Variants in NCKAP5 observed in about 807,000 individuals in gnomAD.
The protein encoded by NCKAP5 is nck-associated protein 5.
A neutral mutation model predicts 167.0 loss-of-function variants in NCKAP5; 92 were observed. The observed-to-expected ratio is 0.55, with a 90% CI of 0.47 to 0.66. NCKAP5 has a LOEUF of 0.66. Among genes scored for constraint, NCKAP5 ranks in the 30% least tolerant of loss-of-function variants. The pLI, the probability that NCKAP5 is intolerant of heterozygous loss-of-function variation, is 0.00. For missense variants in NCKAP5, 2,378 were observed against 2,315.0 expected (o/e 1.03, Z -0.56); for synonymous variants, 891 against 877.4 (o/e 1.02, Z -0.27).
chr2:133,317,517 G>A (rs1681697977), intron 3 of NCKAP5, among the ~76,000 whole-genome samples: 1 of 152,092 alleles, frequency 6.6e-6, no homozygotes, highest in South Asian at 2.1e-4. Flanking sequence ...TGCAGGTGTG[G>A]AGGCGTCACC....
chr2:132,715,441 G>A (rs1689279072), intron 19 of NCKAP5, among the ~76,000 whole-genome samples: 1 of 152,094 alleles, frequency 6.6e-6, no homozygotes, highest in Non-Finnish European at 1.5e-5. Flanking sequence ...GGTCTCCAAG[G>A]AAACCCAAAC....
chr2:132,994,347 T>A lies in NCKAP5; in HGVS notation c.342-108A>T, dbSNP rs886649034. ...TATGCGTATTTCCCAAGCTTCAACCTGGAAATCTCTTTTCTCTCTACTTCA... is the reference window on the plus strand; with the variant it reads ...TATGCGTATTTCCCAAGCTTCAACCAGGAAATCTCTTTTCTCTCTACTTCA... On this transcript the variant is annotated intron_variant, in intron 6 of 19. Transcript: ENST00000409261. 5 of 744,244 alleles carry A rather than the reference T, an allele frequency of 6.7e-6. No individual in the cohort carries two copies. In the East Asian group the frequency reaches 1.4e-4, roughly 21 times the overall value. 46.1% of individuals were successfully genotyped at this position (744,244 alleles called of 1,614,324 possible).
chr2:133,663,562 CT>C, the NCKAP5 span, among the ~76,000 whole-genome samples: 1 of 152,188 alleles, frequency 6.6e-6, no homozygotes, highest in Non-Finnish European at 1.5e-5. Flanking sequence ...TATTCTAATC[CT>C]TTGTTGTCAT....
In NCKAP5 at chr2:132,783,877, A is replaced by G. The variant is rs1683297434; in HGVS notation, c.2934T>C (p.Ser978=). Residue 978 remains serine, a synonymous_variant, in exon 14 of 20, where the codon TCT becomes TCC. Transcript: ENST00000409261. The stretch of plus-strand genomic sequence containing the variant: ...CCGGATTAGAAGAAATAACTGGAGC[A>G]GAAATTCCTTTCAGCAGCGGGGATT... ...PFKSPLLKGI[S]APVISSNPAT... 6.5e-7 allele frequency: 1 copy of G among 1,534,714 alleles called. No individual in the cohort carries two copies. Among genetic ancestry groups the G allele is most frequent in the Admixed American group, 2.1e-5 (1 of 46,636 alleles).
intron 3 of NCKAP5, among the ~76,000 whole-genome samples, chr2:133,416,469 A>G (rs1192066456): frequency 2.0e-5 from 3 of 152,202 alleles, no homozygotes; most frequent in South Asian, 4.1e-4. Context: ...TGACAGCCAT[A>G]AAAGAGAAAA....
chr2:132,838,193 G>T (rs546979510), intron 11 of NCKAP5, among the ~76,000 whole-genome samples: 151 of 152,232 alleles, frequency 9.9e-4, no homozygotes, highest in African/African-American at 3.5e-3. Context: ...GGCACCTGGG[G>T]TCTCCCAGTG....
chr2:133,164,362 G>C (rs1004314916), intron 5 of NCKAP5, among the ~76,000 whole-genome samples: 1 of 152,190 alleles, frequency 6.6e-6, no homozygotes, highest in Non-Finnish European at 1.5e-5. Flanking sequence ...TCTGGAGTGA[G>C]AGCTGTGTTT....
At chr2:133,281,761 G>A (rs1477219373) in intron 4 of NCKAP5, among the ~76,000 whole-genome samples, 1 of 152,192 alleles carries the variant, frequency 6.6e-6, no homozygotes, top group Non-Finnish European at 1.5e-5. Flanking sequence ...TCAGTGGCTT[G>A]AAACAAATGC....
chr2:132,830,939 G>T (rs1687480186), intron 11 of NCKAP5, among the ~76,000 whole-genome samples: 2 of 152,064 alleles, frequency 1.3e-5, no homozygotes, highest in South Asian at 4.2e-4. Context: ...GTTGTCTCCT[G>T]CCAGAAGTAA....
chr2:133,510,398 C>T (rs1391851094), intron 3 of NCKAP5, among the ~76,000 whole-genome samples: 5 of 152,190 alleles, frequency 3.3e-5, no homozygotes, highest in Non-Finnish European at 7.3e-5. Context: ...TACACACACA[C>T]ATGCACGTAC....
At chr2:132,933,448 G>A (rs1696597296) in intron 8 of NCKAP5, among the ~76,000 whole-genome samples, 1 of 152,158 alleles carries the variant, frequency 6.6e-6, no homozygotes, top group Non-Finnish European at 1.5e-5. Flanking sequence ...ATATCTATTA[G>A]TTTGCTCTAG....
intron 3 of NCKAP5, among the ~76,000 whole-genome samples, chr2:133,451,940 T>G (rs1442014984): frequency 1.3e-5 from 2 of 152,138 alleles, no homozygotes; most frequent in Non-Finnish European, 2.9e-5. Flanking sequence ...CACACACACA[T>G]ACTGAGTAAT....
At chr2:132,763,461 T>C (rs1239258589) in intron 16 of NCKAP5, among the ~76,000 whole-genome samples, 32 of 152,352 alleles carry the variant, frequency 2.1e-4, no homozygotes, top group Non-Finnish European at 7.3e-5. Flanking sequence ...CTTAGGACAC[T>C]CTGCTGCACA....
Position 133,049,192 on chromosome 2 carries a change from G to A in NCKAP5, c.342-54953C>T, listed in dbSNP as rs1559086754. Among the ~76,000 whole-genome samples the A allele has an allele frequency of 2.0e-5, 3 of 152,266 alleles. No individual in the cohort carries two copies. The South Asian group carries it at 6.2e-4, about 32-fold the overall frequency. Reference sequence around the variant, plus strand: ...GTACTTGCTGCAAAAACACTGAATTGAGGTTTCCATTTGGGTGTTTGTATG... The same window carrying A: ...GTACTTGCTGCAAAAACACTGAATTAAGGTTTCCATTTGGGTGTTTGTATG... On this transcript the variant is annotated intron_variant, in intron 6 of 19. Coordinates refer to ENST00000409261, the MANE Select transcript of NCKAP5 (RefSeq NM_207363.3).
At chr2:133,198,447 T>G (rs1284982845) in intron 5 of NCKAP5, among the ~76,000 whole-genome samples, 1 of 152,162 alleles carries the variant, frequency 6.6e-6, no homozygotes, top group Non-Finnish European at 1.5e-5. Flanking sequence ...TGTAGGTTTC[T>G]CTTTAGAAAT....
chr2:133,038,495 G>C (rs1192181003), intron 6 of NCKAP5, among the ~76,000 whole-genome samples: 1 of 152,010 alleles, frequency 6.6e-6, no homozygotes, highest in South Asian at 2.1e-4. Flanking sequence ...GCATTGGGAG[G>C]GTGGGGATGG....
At chr2:133,498,286 C>T (rs77736128) in intron 3 of NCKAP5, among the ~76,000 whole-genome samples, 9,014 of 152,086 alleles carry the variant, frequency 0.059, 298 homozygotes, top group South Asian at 0.16. Context: ...GGAGGGGACC[C>T]AGACATGTTC....
At position 133,104,804 on chromosome 2, in the gene NCKAP5, G is replaced by C. The variant is rs114956683; in HGVS notation, c.341+25174C>G. On this transcript the variant is annotated intron_variant, in intron 6 of 19. Coordinates refer to ENST00000409261, the MANE Select transcript of NCKAP5 (RefSeq NM_207363.3). ...TAGGACTTTTAAGTGAATTTCACTGGACCTCAATGATTTCGACACATTCAA... is the reference window on the plus strand; with the variant it reads ...TAGGACTTTTAAGTGAATTTCACTGCACCTCAATGATTTCGACACATTCAA... 1.6e-3 allele frequency among the ~76,000 whole-genome samples: 249 copies of C among 152,272 alleles called. 1 individual carries two copies. Among genetic ancestry groups the C allele is most frequent in the Middle Eastern group, 6.8e-3 (2 of 294 alleles).
chr2:132,740,566 A>G (rs1480863827), intron 16 of NCKAP5, among the ~76,000 whole-genome samples: 2 of 152,280 alleles, frequency 1.3e-5, no homozygotes, highest in East Asian at 3.9e-4. Flanking sequence ...CTGGTTATTT[A>G]TTCACAACCA....
Sources: allele counts gnomAD v4.1 joint callset (sites outside exome capture counted in the v4.1 genomes callset), GRCh38; gene constraint gnomAD v4.1.1; transcripts MANE v1.5; gene names NCBI Gene and HGNC (gene_info 2026-07-23, HGNC 2026-07-21).